Variants in TCOF1 observed in about 807,000 individuals in gnomAD.
TCOF1 encodes the protein treacle protein.
TCOF1 carries 33 observed loss-of-function variants against 149.0 expected under a neutral mutation model. That is an observed-to-expected ratio of 0.22 (90% CI 0.17 to 0.30). The LOEUF (loss-of-function observed/expected upper bound fraction) is 0.30. Ranked by LOEUF, TCOF1 falls within the 10% of genes least tolerant of loss-of-function variation. TCOF1 has a pLI of 1.00. For missense variants in TCOF1, 1,728 were observed against 1,840.7 expected, an observed-to-expected ratio of 0.94 and a Z score of 1.12; for synonymous variants, 789 against 738.8, an observed-to-expected ratio of 1.07 and a Z score of -1.10.
At chr5:150,372,816 A>G (rs754737885) in intron 7 of TCOF1, among the ~76,000 whole-genome samples, 2 of 152,180 alleles carry the variant, frequency 1.3e-5, no homozygotes, top group Non-Finnish European at 2.9e-5. Flanking sequence ...GGACATAGGA[A>G]TGGCAACTTG....
chr5:150,372,159 A>G lies in TCOF1; in HGVS notation c.793A>G (p.Lys265Glu), dbSNP rs1280537221. 6.2e-7 allele frequency: 1 copy of G among 1,614,192 alleles called. No homozygotes were observed. Residue 265 changes from lysine to glutamate, a missense_variant, in exon 7 of 27, where the codon AAG (lysine) becomes GAG (glutamate). Physicochemically the swap from Lys to Glu is moderately conservative, Grantham distance 56. Transcript: ENST00000643257. ...CCTGCCCCCAGCCAAGAGGGCCAAG[A>G]AGCCAGAAGAGGAGTCAGAGAGTAG... is the stretch of plus-strand genomic sequence containing the variant. ...GALPPAKRAK[K>E]PEEESESSEE...
intron 1 of TCOF1, among the ~76,000 whole-genome samples, chr5:150,360,790 G>A (rs1759886966): frequency 6.7e-6 from 1 of 149,304 alleles, no homozygotes. Context: ...AGGCTGGAGT[G>A]CGGTGGCACA....
chr5:150,369,108 C>G (rs148154185), intron 5 of TCOF1, among the ~76,000 whole-genome samples: 427 of 152,346 alleles, frequency 2.8e-3, no homozygotes, highest in Non-Finnish European at 4.4e-3. Flanking sequence ...AACAGCCCAC[C>G]TGGTGGTTGG....
chr5:150,392,895 C>G, intron 22 of TCOF1, 105 bp downstream of exon 22: 2 of 1,362,410 alleles, frequency 1.5e-6, no homozygotes, highest in South Asian at 1.2e-5. Flanking sequence ...GGTCCCCTCT[C>G]TTCACAGAGG....
At position 150,376,006 on chromosome 5, in the gene TCOF1, T is replaced by C. The variant is rs111858548; in HGVS notation, c.1894-76T>C. 1.2e-5 allele frequency: 19 copies of C among 1,613,618 alleles called. No individual in the cohort carries two copies. The African/African-American group carries it at 1.2e-4, about 10-fold the overall frequency. On this transcript the variant is annotated intron_variant, in intron 12 of 26. Transcript: ENST00000643257. ...TGCTCCCTCAGGCAGAGCATGGGTT[T>C]TGGCTGGTGGGGCAGAACAGATGGG...
chr5:150,377,157 G>A (rs773257227), intron 14 of TCOF1, among the ~76,000 whole-genome samples: 2 of 152,240 alleles, frequency 1.3e-5, no homozygotes, highest in African/African-American at 4.8e-5. Context: ...ATGAGAGAGT[G>A]CCTGGCTTGG....
At chr5:150,392,324 C>T (rs775146890) in intron 21 of TCOF1, 148 bp downstream of exon 21, 42 of 764,154 alleles carry the variant, frequency 5.5e-5, no homozygotes, top group African/African-American at 1.8e-5. Context: ...ACCTGTACAA[C>T]TTCATGAGGA....
intron 1 of TCOF1, among the ~76,000 whole-genome samples, chr5:150,359,586 G>C (rs1371100441): frequency 6.6e-6 from 1 of 152,122 alleles, no homozygotes; most frequent in South Asian, 2.1e-4. Context: ...CCTCCTGGAG[G>C]GACTAAAGGG....
At chr5:150,357,943 G>A (rs1290157465) in intron 1 of TCOF1, 89 bp downstream of exon 1, 47 of 1,409,292 alleles carry the variant, frequency 3.3e-5, no homozygotes, top group Non-Finnish European at 4.2e-5. Flanking sequence ...AGGCGACCCG[G>A]CAGGCGCCCG....
At chr5:150,372,561 T>C (rs1762782889) in intron 7 of TCOF1, among the ~76,000 whole-genome samples, 1 of 152,206 alleles carries the variant, frequency 6.6e-6, no homozygotes, top group Non-Finnish European at 1.5e-5. Flanking sequence ...AACACTACGT[T>C]AGCTAAAGGG....
At chr5:150,373,148 C>A (rs1268963303) in intron 7 of TCOF1, among the ~76,000 whole-genome samples, 1 of 152,002 alleles carries the variant, frequency 6.6e-6, no homozygotes, top group African/African-American at 2.4e-5. Flanking sequence ...TAGCGGCAAT[C>A]ATAGCTCACT....
Position 150,375,071 on chromosome 5 carries a change from G to C in TCOF1, c.1396G>C (p.Val466Leu). Reference protein sequence around the residue: ...PRKTGPAAAQVQVGKQEEDSR... With the variant: ...PRKTGPAAAQLQVGKQEEDSR... ...GAAAACAGGGCCTGCAGCCGCCCAG[G>C]TCCAGGTGGGGAAGCAGGAGGAGGA... The change falls in exon 10 of 27, where the codon GTC (valine) becomes CTC (leucine). Residue 466 changes from valine to leucine, a missense_variant. Physicochemically the swap from Val to Leu is conservative, Grantham distance 32. Transcript: ENST00000643257. 1 of 1,614,150 alleles carries C rather than the reference G, an allele frequency of 6.2e-7. No individual in the cohort carries two copies.
intron 22 of TCOF1, chr5:150,393,092 T>C: frequency 1.7e-6 from 1 of 590,084 alleles, no homozygotes; most frequent in Non-Finnish European, 3.0e-6. Flanking sequence ...AAGGTTACTA[T>C]CTGTATGTGG....
At position 150,396,858 on chromosome 5, in the gene TCOF1, T is replaced by G; in HGVS notation, c.4345+16T>G. ...TCCGACAAGAGTGAGTGACCGCTTCTCCCAGCCCACCCCAAGGGCTGCTGG... is the reference window on the plus strand; with the variant it reads ...TCCGACAAGAGTGAGTGACCGCTTCGCCCAGCCCACCCCAAGGGCTGCTGG... On this transcript the variant is annotated intron_variant, in intron 24 of 26. Transcript: ENST00000643257. 6.3e-7 allele frequency: 1 copy of G among 1,578,922 alleles called. No individual in the cohort carries two copies. The highest frequency in any genetic ancestry group is 8.6e-7 in the Non-Finnish European group (1 of 1,163,252).
chr5:150,398,572 G>A lies in TCOF1; in HGVS notation c.4443+121G>A, dbSNP rs993407364. 24 of 1,475,168 alleles carry A rather than the reference G, an allele frequency of 1.6e-5. No individual in the cohort carries two copies. In the Admixed American group the frequency reaches 4.4e-4, roughly 27 times the overall value. The allele number at this position is 1,475,168 out of a possible 1,614,324, so 91.4% of individuals were successfully genotyped here. A position where few individuals can be genotyped will look rare whatever the true frequency, so the allele number is the denominator to read the frequency against. ...TCGGGGCCCAGTCGGGGGCGTCAGG[G>A]GTTGTGACACACCAGGGAAGAGGCT... On this transcript the variant is annotated intron_variant, in intron 25 of 26. Coordinates refer to ENST00000643257, the MANE Select transcript of TCOF1 (RefSeq NM_001371623.1).
intron 1 of TCOF1, among the ~76,000 whole-genome samples, chr5:150,360,933 A>T (rs1486698682): frequency 6.6e-6 from 1 of 151,814 alleles, no homozygotes; most frequent in Non-Finnish European, 1.5e-5. Flanking sequence ...AGACAGTCTC[A>T]CTATGTTGCC....
chr5:150,386,149 A>C (rs1351659048), intron 17 of TCOF1, among the ~76,000 whole-genome samples: 1 of 151,760 alleles, frequency 6.6e-6, no homozygotes, highest in Non-Finnish European at 1.5e-5. Context: ...CCAACCCCCC[A>C]CAGCCAAGCC....
rs1216194474 is a variant in TCOF1, at chr5:150,364,154, C to T, written c.206C>T (p.Ala69Val). Reference sequence around the variant, plus strand: ...CGGAAGCGGAAGGCAGAGGAAGATGCGGCACTGCAAGCTAAGAAAACCCGT... The same window carrying T: ...CGGAAGCGGAAGGCAGAGGAAGATGTGGCACTGCAAGCTAAGAAAACCCGT... ...LGRKRKAEEDAALQAKKTRVS... is the reference protein window; with the variant it reads ...LGRKRKAEEDVALQAKKTRVS... Residue 69 changes from alanine (A) to valine (V), a missense_variant, in exon 3 of 27, where the codon GCG becomes GTG. Physicochemically the swap from Ala to Val is moderately conservative, Grantham distance 64. This residue lies in a region of TCOF1 where 1,696 missense variants were observed against 1,765.4 expected (regional missense o/e 0.96). Transcript: ENST00000643257. 11 of 1,613,974 alleles carry T rather than the reference C, an allele frequency of 6.8e-6. No individual in the cohort carries two copies. The highest frequency in any genetic ancestry group is 1.3e-5 in the African/African-American group (1 of 74,892).
intron 17 of TCOF1, chr5:150,384,427 C>T: frequency 1.0e-6 from 1 of 985,448 alleles, no homozygotes; most frequent in Non-Finnish European, 1.2e-6. Context: ...GGTGTTTGAG[C>T]ACAGGCCATT....
Sources: gnomAD v4.1 joint callset for allele counts (sites outside exome capture counted in the v4.1 genomes callset) on GRCh38, gnomAD v4.1.1 for gene constraint, gnomAD v4.1.1 regional missense constraint, MANE v1.5 for transcripts, NCBI Gene and HGNC (gene_info 2026-07-23, HGNC 2026-07-21) for gene names.